SHOC1: variants seen among roughly 807,000 people sequenced by gnomAD.
SHOC1 encodes shortage in chiasmata 1.
SHOC1 carries 136 observed loss-of-function variants against 179.2 expected under a neutral mutation model. The observed-to-expected ratio is 0.76, with a 90% confidence interval of 0.66 to 0.87. The LOEUF is 0.87. Among genes scored for constraint, SHOC1 ranks in the 40% least tolerant of loss-of-function variants. The pLI is 0.00. For missense variants in SHOC1, 1,538 were observed against 1,700.8 expected (o/e 0.90, Z 1.68); for synonymous variants, 489 against 586.6 (o/e 0.83, Z 2.41).
At position 111,694,338 on chromosome 9, in the gene SHOC1, CTTCT is replaced by C; in HGVS notation, c.3204_3207del (p.Glu1069GlnfsTer4). The C allele has an allele frequency of 1.9e-6, 3 of 1,609,452 alleles. No homozygotes were observed. The highest frequency in any genetic ancestry group is 2.5e-6 in the Non-Finnish European group (3 of 1,176,774). On this transcript the variant is annotated frameshift_variant, in exon 25 of 28. Coordinates refer to ENST00000682961, the MANE Select transcript of SHOC1 (RefSeq NM_001378211.1). LOFTEE classifies it high-confidence loss of function. ...ATTTGTCGAATTATCAAGGCAGTTG[CTTCT>C]ACTCCTGGGGCAATTATAAGCTAAA... is the stretch of plus-strand genomic sequence containing the variant.
chr9:111,705,667 A>G (rs1445050179), intron 20 of SHOC1, among the ~76,000 whole-genome samples: 5 of 152,018 alleles, frequency 3.3e-5, no homozygotes, highest in Non-Finnish European at 7.4e-5. Context: ...ACTCACTTCA[A>G]TAAAGAGAAA....
intron 5 of SHOC1, among the ~76,000 whole-genome samples, chr9:111,774,509 A>G (rs1835751295): frequency 6.6e-6 from 1 of 152,156 alleles, no homozygotes; most frequent in Admixed American, 6.5e-5. Flanking sequence ...CATGTTGCCC[A>G]GGCTGGTCTC....
chr9:111,718,210 A>T lies in SHOC1; in HGVS notation c.2210T>A (p.Leu737Ter). 6.3e-7 allele frequency: 1 copy of T among 1,598,800 alleles called. No individual in the cohort carries two copies. Among genetic ancestry groups the T allele is most frequent in the East Asian group, 2.3e-5 (1 of 44,136 alleles). ...CAATGCTGTGTCCAAGCTGCATGTT[A>T]AAAGGACATCTCTAATTGTTACCAG... ...HLLVTIRDVL[L>*]TCSLDTALGY... Residue 737 changes from leucine to a stop codon, truncating the protein, a stop_gained, in exon 16 of 28, where the codon TTA becomes TAA. Transcript: ENST00000682961. LOFTEE classifies it high-confidence loss of function.
At chr9:111,775,713 C>A in intron 5 of SHOC1, 78 bp downstream of exon 5, 2 of 1,312,288 alleles carry the variant, frequency 1.5e-6, no homozygotes, top group Non-Finnish European at 2.1e-6. Flanking sequence ...TTATTCAACT[C>A]AAACAAAAAA....
At chr9:111,701,808 G>C (rs1831984430) in intron 23 of SHOC1, among the ~76,000 whole-genome samples, 1 of 152,006 alleles carries the variant, frequency 6.6e-6, no homozygotes, top group South Asian at 2.1e-4. Context: ...AAAAAATTTA[G>C]TACAGTAGTT....
In SHOC1 at chr9:111,694,221, G is replaced by T; in HGVS notation, c.3315+10C>A. Reference sequence around the variant, plus strand: ...TGCAATTATCTATTTTACACATTTAGAAAATATACCTCAGATGGTGAAACT... The same window carrying T: ...TGCAATTATCTATTTTACACATTTATAAAATATACCTCAGATGGTGAAACT... On this transcript the variant is annotated intron_variant, in intron 25 of 27. Transcript: ENST00000682961. 1 of 1,591,888 alleles carries T rather than the reference G, an allele frequency of 6.3e-7. No individual in the cohort carries two copies. The highest frequency in any genetic ancestry group is 8.6e-7 in the Non-Finnish European group (1 of 1,169,334).
intron 4 of SHOC1, among the ~76,000 whole-genome samples, chr9:111,778,944 C>G (rs1338600870): frequency 1.3e-5 from 2 of 151,600 alleles, no homozygotes; most frequent in Non-Finnish European, 2.9e-5. Context: ...ACTAAAAATA[C>G]AAAAATTATC....
At chr9:111,699,845 C>T (rs1422892815) in intron 24 of SHOC1, 109 bp downstream of exon 24, 3 of 584,542 alleles carry the variant, frequency 5.1e-6, no homozygotes, top group Non-Finnish European at 9.1e-6. Context: ...AGCTTTTAAA[C>T]AGTTTTTAAT....
Position 111,741,587 on chromosome 9 carries a change from A to C in SHOC1, c.1080-17T>G. The C allele has an allele frequency of 7.4e-7, 1 of 1,345,136 alleles. No homozygotes were observed. Among genetic ancestry groups the C allele is most frequent in the Non-Finnish European group, 1.1e-6 (1 of 948,268 alleles). 83.3% of individuals were successfully genotyped at this position (1,345,136 alleles called of 1,614,324 possible). On this transcript the variant is annotated splice_polypyrimidine_tract_variant and intron_variant, in intron 10 of 27. Transcript: ENST00000682961. ...AGCAAATTACTGAAAAAAAGAGTTA[A>C]AGTTTAATACATTAATAATATTGAG...
chr9:111,704,739 A>C (rs1832168699), intron 21 of SHOC1, among the ~76,000 whole-genome samples: 1 of 103,340 alleles, frequency 9.7e-6, no homozygotes, highest in East Asian at 8.2e-4. Flanking sequence ...ATTTTATAAC[A>C]TCTAATGTTG....
intron 11 of SHOC1, 58 bp downstream of exon 11, chr9:111,741,418 T>C (rs1471763892): frequency 3.1e-6 from 3 of 952,510 alleles, no homozygotes; most frequent in African/African-American, 1.7e-5. Flanking sequence ...ACATTTCTAC[T>C]CGTTGTACCT....
At chr9:111,705,149 T>C in intron 21 of SHOC1, 98 bp downstream of exon 21, 1 of 384,390 alleles carries the variant, frequency 2.6e-6, no homozygotes. Flanking sequence ...CAGCATAATA[T>C]TTAGCCTATC....
Position 111,758,138 on chromosome 9 carries a change from C to A in SHOC1, c.654G>T (p.Met218Ile). The change falls in exon 7 of 28, where the codon ATG (methionine) becomes ATT (isoleucine). Residue 218 changes from methionine (M) to isoleucine (I), a missense_variant. Physicochemically the swap from Met to Ile is conservative, Grantham distance 10. Coordinates refer to ENST00000682961, the MANE Select transcript of SHOC1 (RefSeq NM_001378211.1). ...TCTCTTGACAAAAGTTCACTTTATC[C>A]ATACAAAAATCTTCTTTCACAAAAG... ...LEAFVKEDFC[M>I]DKVNFCQEKL... The A allele has an allele frequency of 6.3e-7, 1 of 1,589,364 alleles. No homozygotes were observed. The highest frequency in any genetic ancestry group is 8.6e-7 in the Non-Finnish European group (1 of 1,166,850).
rs1564125323 is a variant in SHOC1 at position 111,722,446 on chromosome 9, CT to C, written c.2093del (p.Lys698ArgfsTer6). The C allele has an allele frequency of 1.2e-6, 2 of 1,609,660 alleles. No homozygotes were observed. The highest frequency in any genetic ancestry group is 1.7e-6 in the Non-Finnish European group (2 of 1,179,062). On this transcript the variant is annotated frameshift_variant, in exon 15 of 28. Transcript: ENST00000682961. LOFTEE classifies it high-confidence loss of function. ...CATCACTTACTACTTTTTCTTGTTC[CT>C]TTAAGAGAAACCTTGTTTGGTCAAA... Reference protein sequence around the residue: ...VIFDQTRFLLKEQEKVVSDAV... With the variant: ...VIFDQTRFLLXEQEKVVSDAV...
chr9:111,722,551 T>G lies in SHOC1; in HGVS notation c.1989A>C (p.Ala663=). Reference sequence around the variant, plus strand: ...GGTTTTTTAAGATAGGAGAAGCTGCTGCTTCGAGGAGGCAAAATGCTTGGC... The same window carrying G: ...GGTTTTTTAAGATAGGAGAAGCTGCGGCTTCGAGGAGGCAAAATGCTTGGC... ...SQCQAFCLLE[A]AASPILKNLV... Residue 663 remains alanine, a synonymous_variant, in exon 15 of 28, where the codon GCA becomes GCC. Transcript: ENST00000682961. The G allele has an allele frequency of 6.2e-7, 1 of 1,605,614 alleles. No individual in the cohort carries two copies. The highest frequency in any genetic ancestry group is 1.8e-5 in the Admixed American group (1 of 57,110).
chr9:111,741,220 C>T (rs1834024596), intron 11 of SHOC1, among the ~76,000 whole-genome samples: 1 of 151,984 alleles, frequency 6.6e-6, no homozygotes. Flanking sequence ...TTATGTACTA[C>T]TTGTATTTCA....
intron 5 of SHOC1, among the ~76,000 whole-genome samples, chr9:111,772,535 A>G (rs1404417252): frequency 6.6e-6 from 1 of 152,130 alleles, no homozygotes; most frequent in Non-Finnish European, 1.5e-5. Flanking sequence ...AGCTTCCTCT[A>G]TTCAACTTGT....
At chr9:111,690,717 A>G (rs1268220288) in intron 27 of SHOC1, among the ~76,000 whole-genome samples, 1 of 152,206 alleles carries the variant, frequency 6.6e-6, no homozygotes, top group African/African-American at 2.4e-5. Context: ...GTGAGGAACA[A>G]AACAAGTTGT....
In SHOC1 at chr9:111,758,822, G is replaced by C. The variant is rs370404571; in HGVS notation, c.469C>G (p.Leu157Val). Residue 157 changes from leucine (L) to valine (V), a missense_variant, in exon 6 of 28, where the codon CTT becomes GTT. Transcript: ENST00000682961. ...AGGTGTTTTCTACTACTTACAAAAA[G>C]TATTCCTTTATCATCAATAAATAAA... ...QDLFIDDKGILFVSSRKHLPT... is the reference protein window; with the variant it reads ...QDLFIDDKGIVFVSSRKHLPT... The C allele has an allele frequency of 3.9e-6, 6 of 1,551,766 alleles. No individual in the cohort carries two copies. Among genetic ancestry groups the C allele is most frequent in the Non-Finnish European group, 5.3e-6 (6 of 1,140,528 alleles).
Sources: gnomAD v4.1 joint callset for allele counts (sites outside exome capture counted in the v4.1 genomes callset) on GRCh38, gnomAD v4.1.1 for gene constraint, MANE v1.5 for transcripts, NCBI Gene and HGNC (gene_info 2026-07-23, HGNC 2026-07-21) for gene names.